The following RPAP1 variants were observed in gnomAD, a reference collection of about 807,000 sequenced individuals.
The protein encoded by RPAP1 is RNA polymerase II associated protein 1.
RPAP1 carries 109 observed loss-of-function variants against 142.4 expected under a neutral mutation model. That is an observed-to-expected ratio of 0.77 (90% CI 0.66 to 0.90). The LOEUF (loss-of-function observed/expected upper bound fraction) is 0.90, where lower values mean the gene tolerates loss of function less well. RPAP1 is among the 40% of genes least tolerant of loss of function. The probability of loss-of-function intolerance (pLI) is 0.00; values close to 1 mark genes in which losing one functional copy is unlikely to be tolerated. For missense variants in RPAP1, 1,546 were observed against 1,751.7 expected (o/e 0.88, Z 2.10); for synonymous variants, 704 against 738.9 (o/e 0.95, Z 0.77).
chr15:41,536,682 T>G, intron 2 of RPAP1, 33 bp from the exon 3 acceptor site: 1 of 1,607,300 alleles, frequency 6.2e-7, no homozygotes, highest in Non-Finnish European at 8.5e-7. Flanking sequence ...CGTGAGTATA[T>G]GCACACCTTC....
chr15:41,518,169 A>G lies in RPAP1; in HGVS notation c.3809T>C (p.Leu1270Pro). Residue 1270 changes from leucine to proline, a missense_variant, in exon 23 of 25, where the codon CTG (leucine) becomes CCG (proline). Leu to Pro is a moderately conservative substitution (Grantham distance 98, BLOSUM62 -3). Transcript: ENST00000304330. Reference protein sequence around the residue: ...SLPLTQLPVSLECYTVPPEDN... With the variant: ...SLPLTQLPVSPECYTVPPEDN... ...TTCAGGAGGCACTGTGTAACACTCC[A>G]GGGACACAGGCAACTGTGACAGGGG... The G allele has an allele frequency of 1.3e-6, 2 of 1,568,792 alleles. No homozygotes were observed. Among genetic ancestry groups the G allele is most frequent in the Non-Finnish European group, 1.7e-6 (2 of 1,162,426 alleles).
chr15:41,526,854 C>T (rs996075224), intron 14 of RPAP1, 44 bp downstream of exon 14: 8 of 1,556,088 alleles, frequency 5.1e-6, no homozygotes, highest in African/African-American at 4.1e-5. Flanking sequence ...CAACCCAACC[C>T]TGTCCCATGC....
intron 21 of RPAP1, 62 bp downstream of exon 21, chr15:41,521,676 T>G (rs1320765107): frequency 1.3e-6 from 2 of 1,576,266 alleles, no homozygotes; most frequent in Non-Finnish European, 1.7e-6. Context: ...TCAGGGCTGC[T>G]CTGTTAACAA....
intron 22 of RPAP1, chr15:41,519,794 C>G (rs990605736): frequency 6.5e-6 from 1 of 153,532 alleles, no homozygotes; most frequent in African/African-American, 2.4e-5. Context: ...ATCCTGATAC[C>G]ACCTAGCATC....
intron 10 of RPAP1, 71 bp from the exon 11 acceptor site, chr15:41,528,098 T>C (rs570396652): frequency 3.8e-6 from 6 of 1,570,220 alleles, no homozygotes; most frequent in Non-Finnish European, 5.2e-6. Context: ...AATCCTTCGT[T>C]TGCCCCCCTA....
chr15:41,532,914 G>A (rs12906257), intron 6 of RPAP1, among the ~76,000 whole-genome samples: 62,143 of 144,752 alleles, frequency 0.43, 14,447 homozygotes, highest in Middle Eastern at 0.54. Flanking sequence ...GGGAGGTACA[G>A]GTTGCAGTGA....
chr15:41,523,288 G>A lies in RPAP1; in HGVS notation c.2503C>T (p.Leu835=). Residue 835 remains leucine, a synonymous_variant, in exon 18 of 25, where the codon CTG becomes TTG. Coordinates refer to ENST00000304330, the MANE Select transcript of RPAP1 (RefSeq NM_015540.4). ...QRLSEELLLP[L]LSQPTLGSLW... ...CTGCCCAGTGTGGGCTGACTCAGCA[G>A]TGGCAGCAGCAGCTCCTCTGACAGG... 6.2e-7 allele frequency: 1 copy of A among 1,612,666 alleles called. No homozygotes were observed. The highest frequency in any genetic ancestry group is 1.1e-5 in the South Asian group (1 of 90,842).
chr15:41,525,204 A>G (rs1359095361), intron 14 of RPAP1, 56 bp from the exon 15 acceptor site: 4 of 1,495,712 alleles, frequency 2.7e-6, no homozygotes, highest in Non-Finnish European at 2.7e-6. Context: ...AAGTCCAGCT[A>G]CTCTCAGCTG....
chr15:41,526,065 TCAGCCTCCCAA>T, intron 14 of RPAP1, among the ~76,000 whole-genome samples: 1 of 152,232 alleles, frequency 6.6e-6, no homozygotes, highest in East Asian at 1.9e-4. Flanking sequence ...TTCTCCTGCC[TCAGCCTCCCAA>T]GTAGCTGGGA....
chr15:41,529,576 G>A lies in RPAP1; in HGVS notation c.1060-8C>T, dbSNP rs1475030618. On this transcript the variant is annotated splice_region_variant and splice_polypyrimidine_tract_variant and intron_variant, in intron 8 of 24. Coordinates refer to ENST00000304330, the MANE Select transcript of RPAP1 (RefSeq NM_015540.4). ...GAATCGAGCCTGCATCCTCTAATGGGAAGAGAAAGAGGACTGTGGTCTGGG... is the reference window on the plus strand; with the variant it reads ...GAATCGAGCCTGCATCCTCTAATGGAAAGAGAAAGAGGACTGTGGTCTGGG... 1 of 1,589,162 alleles carries A rather than the reference G, an allele frequency of 6.3e-7. No individual in the cohort carries two copies. The highest frequency in any genetic ancestry group is 8.6e-7 in the Non-Finnish European group (1 of 1,159,024).
At position 41,534,823 on chromosome 15, in the gene RPAP1, T is replaced by G; in HGVS notation, c.654A>C (p.Gln218His). ...TAGTCTGGGCTTCCTGCTCAGCTTC[T>G]TGATCCCTGAGCCCCTTCCCTGTGA... ...NLVTGKGLRD[Q>H]EAEQEAQTIH... The change falls in exon 6 of 25, where the codon CAA (glutamine) becomes CAC (histidine). Residue 218 changes from glutamine (Q) to histidine (H), a missense_variant. Coordinates refer to ENST00000304330, the MANE Select transcript of RPAP1 (RefSeq NM_015540.4). 1 of 1,614,158 alleles carries G rather than the reference T, an allele frequency of 6.2e-7. No individual in the cohort carries two copies. Among genetic ancestry groups the G allele is most frequent in the Non-Finnish European group, 8.5e-7 (1 of 1,180,028 alleles).
rs199643044 is a variant in RPAP1 at position 41,523,932 on chromosome 15, C to T, written c.2275G>A (p.Val759Ile). The change falls in exon 17 of 25, where the codon GTC becomes ATC. Residue 759 changes from valine to isoleucine, a missense_variant. By Grantham distance (29) the Val-to-Ile change is conservative. Around this residue, in one of 3 missense-constraint regions of RPAP1, gnomAD observed 1,333 missense variants for 1,486.6 expected, o/e 0.90. Coordinates refer to ENST00000304330, the MANE Select transcript of RPAP1 (RefSeq NM_015540.4). ...AGCCCAGACACCTGTGTCCAAGTGA[C>T]TAAGGAAGGGGTGGCCGAGAGGCTG... ...EASLSATPSLVTWTQVSGLQP... is the reference protein window; with the variant it reads ...EASLSATPSLITWTQVSGLQP... 2 of 1,610,456 alleles carry T rather than the reference C, an allele frequency of 1.2e-6. No individual in the cohort carries two copies. Among genetic ancestry groups the T allele is most frequent in the African/African-American group, 1.3e-5 (1 of 74,946 alleles).
chr15:41,541,663 C>T lies in RPAP1; in HGVS notation c.-77+2556G>A, dbSNP rs185993547. ...AAGATCGAGACCATCCTGGCTAACA[C>T]GGTGAAATGCCGTCTCTACTAAAAA... On this transcript the variant is annotated intron_variant, in intron 1 of 24. Transcript: ENST00000304330. 4.6e-5 allele frequency among the ~76,000 whole-genome samples: 7 copies of T among 152,060 alleles called. No individual in the cohort carries two copies. The East Asian group carries it at 5.8e-4, about 13-fold the overall frequency.
chr15:41,537,470 G>C (rs554844394), intron 1 of RPAP1, among the ~76,000 whole-genome samples: 1 of 152,164 alleles, frequency 6.6e-6, no homozygotes, highest in Non-Finnish European at 1.5e-5. Context: ...ATCAGGGGCC[G>C]AGCAGATAAA....
At chr15:41,541,326 G>T (rs953324647) in intron 1 of RPAP1, among the ~76,000 whole-genome samples, 3 of 151,908 alleles carry the variant, frequency 2.0e-5, no homozygotes, top group Admixed American at 6.6e-5. Context: ...GGGAGGCTGA[G>T]GCAGGAGAAC....
chr15:41,526,917 C>T lies in RPAP1; in HGVS notation c.1898G>A (p.Arg633Lys). 1.2e-6 allele frequency: 2 copies of T among 1,613,132 alleles called. No individual in the cohort carries two copies. Among genetic ancestry groups the T allele is most frequent in the Admixed American group, 1.7e-5 (1 of 59,982 alleles). Residue 633 changes from arginine (R) to lysine (K), a missense_variant, in exon 14 of 25, where the codon AGG becomes AAG. By Grantham distance (26) the Arg-to-Lys change is conservative. Around this residue, in one of 3 missense-constraint regions of RPAP1, gnomAD observed 1,333 missense variants for 1,486.6 expected, o/e 0.90. Coordinates refer to ENST00000304330, the MANE Select transcript of RPAP1 (RefSeq NM_015540.4). ...GCTCACCAGCCGGGCAGCAATATTC[C>T]TCCCAGCTGAGGCCAGGACACGAAG... ...KLLRVLASAG[R>K]NIAARLLSSF... is the part of the protein sequence containing the mutation.
At chr15:41,535,464 T>C in intron 5 of RPAP1, 48 bp downstream of exon 5, 4 of 1,552,500 alleles carry the variant, frequency 2.6e-6, no homozygotes, top group Non-Finnish European at 3.5e-6. Context: ...ACCCTATGAT[T>C]GTGTCTTTTA....
intron 8 of RPAP1, 25 bp downstream of exon 8, chr15:41,529,839 T>C (rs2051830118): frequency 1.3e-6 from 2 of 1,550,512 alleles, no homozygotes; most frequent in African/African-American, 1.4e-5. Context: ...CACCCACCCC[T>C]TGTAGGCCAG....
chr15:41,536,332 A>G (rs2051906962), intron 3 of RPAP1, 114 bp from the exon 4 acceptor site: 1 of 1,302,336 alleles, frequency 7.7e-7, no homozygotes, highest in Non-Finnish European at 1.1e-6. Context: ...GGGGTTACGG[A>G]CCCTCCTCCC....
Sources: gnomAD v4.1 joint callset for allele counts (sites outside exome capture counted in the v4.1 genomes callset) on GRCh38, gnomAD v4.1.1 for gene constraint, gnomAD v4.1.1 regional missense constraint, MANE v1.5 for transcripts, NCBI Gene and HGNC (gene_info 2026-07-23, HGNC 2026-07-21) for gene names.